SCN2A: variants seen among roughly 807,000 people sequenced by gnomAD.
The protein encoded by SCN2A is sodium channel protein type 2 subunit alpha.
SCN2A carries 20 observed loss-of-function variants against 188.7 expected under a neutral mutation model. The observed-to-expected ratio is 0.11, with a 90% CI of 0.07 to 0.15. SCN2A has a LOEUF of 0.15. SCN2A is among the 10% of genes least tolerant of loss of function. The probability of loss-of-function intolerance (pLI) is 1.00; values close to 1 mark genes in which losing one functional copy is unlikely to be tolerated. For synonymous variants in SCN2A, 804 were observed against 833.1 expected (o/e 0.97, Z 0.60); for missense variants, 1,278 against 2,445.0 (o/e 0.52, Z 10.07).
chr2:165,244,720 T>C (rs183186792), intron 1 of SCN2A, among the ~76,000 whole-genome samples: 1 of 152,224 alleles, frequency 6.6e-6, no homozygotes, highest in East Asian at 1.9e-4. Context: ...CCACAAAAAG[T>C]GTTTTGAATT....
At chr2:165,378,052 C>T (rs745530906) in intron 23 of SCN2A, among the ~76,000 whole-genome samples, 4 of 151,430 alleles carry the variant, frequency 2.6e-5, no homozygotes, top group East Asian at 3.9e-4. Context: ...TGACTAAAAA[C>T]GGGGACAAAA....
At chr2:165,271,066 A>T (rs1350841950) in intron 1 of SCN2A, 1 of 152,124 alleles carries the variant, frequency 6.6e-6, no homozygotes, top group Non-Finnish European at 1.5e-5. Flanking sequence ...TAAAAATTTT[A>T]AAAATCTGTT....
At chr2:165,341,218 C>T (rs1699296026) in intron 14 of SCN2A, among the ~76,000 whole-genome samples, 1 of 152,142 alleles carries the variant, frequency 6.6e-6, no homozygotes, top group Non-Finnish European at 1.5e-5. Flanking sequence ...CTCAGCCTCC[C>T]GAGTAGCTAA....
In SCN2A at chr2:165,342,456, G is replaced by C; in HGVS notation, c.2549G>C (p.Arg850Pro). The C allele has an allele frequency of 6.2e-7, 1 of 1,613,928 alleles. No homozygotes were observed. Among genetic ancestry groups the C allele is most frequent in the Non-Finnish European group, 8.5e-7 (1 of 1,179,932 alleles). The change falls in exon 15 of 27, where the codon CGA becomes CCA. Residue 850 changes from arginine (R) to proline (P), a missense_variant. By Grantham distance (103) the Arg-to-Pro change is moderately radical (BLOSUM62 -2). Transcript: ENST00000375437. ...AATGTGGAAGGATTGTCAGTTCTCC[G>C]ATCATTCCGGCTGGTAAATTAACTG... The part of the protein sequence containing the change: ...LANVEGLSVL[R>P]SFRLLRVFKL...
At chr2:165,308,551 A>G in intron 4 of SCN2A, 115 bp from the exon 5 acceptor site, 1 of 1,064,752 alleles carries the variant, frequency 9.4e-7, no homozygotes, top group Non-Finnish European at 1.4e-6. Flanking sequence ...TCTATATCGT[A>G]GGGGGACCAA....
intron 17 of SCN2A, among the ~76,000 whole-genome samples, chr2:165,356,116 G>C (rs998029330): frequency 6.6e-6 from 1 of 152,006 alleles, no homozygotes; most frequent in African/African-American, 2.4e-5. Context: ...TAGTATTGCT[G>C]TTAGTGATTA....
intron 14 of SCN2A, among the ~76,000 whole-genome samples, chr2:165,336,297 C>A (rs945936968): frequency 6.6e-6 from 1 of 151,774 alleles, no homozygotes; most frequent in Admixed American, 6.6e-5. Context: ...AACATGAATG[C>A]TTATAGAATA....
chr2:165,279,918 T>G lies in SCN2A; in HGVS notation c.-51-15855T>G, dbSNP rs117307810. 4.5e-3 allele frequency among the ~76,000 whole-genome samples: 688 copies of G among 152,284 alleles called. 8 individuals carry two copies. The East Asian group carries it at 0.059, about 13-fold the overall frequency. ...GTGATAGTGAATAAGTCTCATAAGATCCGATGGTTGTATAAGGGGGAGTTT... is the reference window on the plus strand; with the variant it reads ...GTGATAGTGAATAAGTCTCATAAGAGCCGATGGTTGTATAAGGGGGAGTTT... On this transcript the variant is annotated intron_variant, in intron 1 of 26. Transcript: ENST00000375437.
intron 16 of SCN2A, among the ~76,000 whole-genome samples, chr2:165,345,663 A>G (rs887235955): frequency 2.0e-5 from 3 of 151,842 alleles, no homozygotes; most frequent in East Asian, 1.9e-4. Context: ...ACTCTATCCA[A>G]TTTGCCAGTC....
chr2:165,293,265 T>C (rs1696315735), intron 1 of SCN2A, among the ~76,000 whole-genome samples: 1 of 152,254 alleles, frequency 6.6e-6, no homozygotes, highest in Non-Finnish European at 1.5e-5. Flanking sequence ...GGTTAATTGC[T>C]ATTTAATATG....
At chr2:165,313,330 C>A (rs921420341) in intron 8 of SCN2A, among the ~76,000 whole-genome samples, 1 of 152,042 alleles carries the variant, frequency 6.6e-6, no homozygotes, top group Non-Finnish European at 1.5e-5. Flanking sequence ...TTTAACTGCC[C>A]TTAAGTCCCA....
intron 14 of SCN2A, among the ~76,000 whole-genome samples, chr2:165,331,788 C>T (rs1698694542): frequency 6.6e-6 from 1 of 151,980 alleles, no homozygotes; most frequent in African/African-American, 2.4e-5. Context: ...ATTTAAATTG[C>T]TTATTTATTA....
At chr2:165,355,071 T>C (rs942152219) in intron 17 of SCN2A, among the ~76,000 whole-genome samples, 19 of 152,228 alleles carry the variant, frequency 1.2e-4, no homozygotes, top group Non-Finnish European at 5.9e-5. Context: ...TCTTGCTATG[T>C]TCTTAGTTCT....
chr2:165,299,578 A>T (rs531112180), intron 3 of SCN2A, among the ~76,000 whole-genome samples: 1 of 152,358 alleles, frequency 6.6e-6, no homozygotes, highest in Admixed American at 6.5e-5. Context: ...AGTCTAAGAT[A>T]CATGAATCCT....
chr2:165,281,090 A>G (rs941810841), intron 1 of SCN2A, among the ~76,000 whole-genome samples: 1 of 152,072 alleles, frequency 6.6e-6, no homozygotes, highest in Non-Finnish European at 1.5e-5. Context: ...GCAAGGTGGC[A>G]TGTGCCTCTA....
Position 165,252,808 on chromosome 2 carries a change from GA to G in SCN2A, c.-52+13170del, listed in dbSNP as rs142058026. Among the ~76,000 whole-genome samples, 145 of 152,022 alleles carry G rather than the reference GA, an allele frequency of 9.5e-4. 3 individuals are homozygous for G. The East Asian group carries it at 0.015, about 16-fold the overall frequency. ...TTTAAGGGTGGTATGATCTGACAGA[GA>G]ATGTTCCACTCTGAGACCAGCCTGC... On this transcript the variant is annotated intron_variant, in intron 1 of 26. Coordinates refer to ENST00000375437, the MANE Select transcript of SCN2A (RefSeq NM_001040142.2).
At chr2:165,321,097 T>C (rs1255228072) in intron 11 of SCN2A, among the ~76,000 whole-genome samples, 2 of 152,234 alleles carry the variant, frequency 1.3e-5, no homozygotes, top group Non-Finnish European at 2.9e-5. Flanking sequence ...TAGAAATTTC[T>C]TCTGCCAGAT....
chr2:165,300,747 G>A (rs1217344091), intron 3 of SCN2A, among the ~76,000 whole-genome samples: 4 of 152,190 alleles, frequency 2.6e-5, no homozygotes, highest in Admixed American at 2.6e-4. Flanking sequence ...AGGGGCTAAA[G>A]TTGTAGGCGA....
intron 16 of SCN2A, among the ~76,000 whole-genome samples, chr2:165,352,449 T>G (rs1699972631): frequency 2.0e-5 from 3 of 152,304 alleles, no homozygotes; most frequent in East Asian, 3.9e-4. Flanking sequence ...CTCATTAGCA[T>G]GATAGAAGCA....
Sources: gnomAD v4.1 joint callset for allele counts (sites outside exome capture counted in the v4.1 genomes callset) on GRCh38, gnomAD v4.1.1 for gene constraint, MANE v1.5 for transcripts, NCBI Gene and HGNC (gene_info 2026-07-23, HGNC 2026-07-21) for gene names.